The following ANKRD30A variants were observed in gnomAD, a reference collection of about 807,000 sequenced individuals.
The protein encoded by ANKRD30A is ankyrin repeat domain 30A, also known as ankyrin repeat domain-containing protein 30A.
A neutral mutation model predicts 166.3 loss-of-function variants in ANKRD30A; 170 were observed. That is an observed-to-expected ratio of 1.02 (90% CI 0.90 to 1.16). The LOEUF (loss-of-function observed/expected upper bound fraction) is 1.16, where lower values mean the gene tolerates loss of function less well. Ranked by LOEUF, ANKRD30A falls within the 50% of genes most tolerant of loss-of-function variation. ANKRD30A has a pLI of 0.00. For synonymous variants in ANKRD30A, 564 were observed against 508.9 expected (o/e 1.11, Z -1.46); for missense variants, 1,630 against 1,518.0 (o/e 1.07, Z -1.23).
intron 34 of ANKRD30A, among the ~76,000 whole-genome samples, chr10:37,223,011 AAAGT>A (rs1237887184): frequency 1.3e-5 from 2 of 151,474 alleles, no homozygotes; most frequent in Non-Finnish European, 3.0e-5. Context: ...TTGACATAAT[AAAGT>A]TTTATTTGAA....
intron 30 of ANKRD30A, among the ~76,000 whole-genome samples, chr10:37,200,986 G>T (rs535872015): frequency 6.6e-6 from 1 of 151,956 alleles, no homozygotes; most frequent in Non-Finnish European, 1.5e-5. Flanking sequence ...ATTTTTTCGT[G>T]TATATGATTT....
At chr10:37,264,084 T>A in the ANKRD30A span, among the ~76,000 whole-genome samples, 25 of 152,262 alleles carry the variant, frequency 1.6e-4, no homozygotes, top group African/African-American at 5.1e-4. Flanking sequence ...AGATTTTTTT[T>A]AAAAACAGTT....
intron 31 of ANKRD30A, among the ~76,000 whole-genome samples, chr10:37,205,810 T>A (rs951589931): frequency 6.6e-6 from 1 of 152,208 alleles, no homozygotes; most frequent in African/African-American, 2.4e-5. Context: ...CACATTCTGA[T>A]TCAGCAGACT....
At chr10:37,214,824 G>A (rs1029264399) in intron 31 of ANKRD30A, among the ~76,000 whole-genome samples, 3 of 150,954 alleles carry the variant, frequency 2.0e-5, no homozygotes, top group Non-Finnish European at 3.0e-5. Context: ...TGGATCTGTG[G>A]GATTGTAGCT....
chr10:37,227,729 C>G (rs1382627322), intron 34 of ANKRD30A, among the ~76,000 whole-genome samples: 3 of 151,928 alleles, frequency 2.0e-5, no homozygotes, highest in African/African-American at 7.2e-5. Context: ...AACCTTTAGT[C>G]TCTCATTGAC....
the ANKRD30A span, among the ~76,000 whole-genome samples, chr10:37,251,694 A>G: frequency 1.3e-5 from 2 of 152,216 alleles, no homozygotes; most frequent in African/African-American, 2.4e-5. Context: ...GCAAAGCAAC[A>G]TGATTATTTG....
At chr10:37,265,881 C>G in the ANKRD30A span, among the ~76,000 whole-genome samples, 2 of 152,208 alleles carry the variant, frequency 1.3e-5, no homozygotes, top group African/African-American at 4.8e-5. Context: ...ACAAACCCCC[C>G]TGGGTTAACC....
At chr10:37,166,963 A>C (rs562939536) in intron 19 of ANKRD30A, among the ~76,000 whole-genome samples, 1 of 152,124 alleles carries the variant, frequency 6.6e-6, no homozygotes, top group Non-Finnish European at 1.5e-5. Context: ...AGAAAGTAGT[A>C]ATAGAGTAAA....
At chr10:37,172,529 T>G (rs1165416479) in intron 21 of ANKRD30A, among the ~76,000 whole-genome samples, 10 of 85,440 alleles carry the variant, frequency 1.2e-4, no homozygotes, top group East Asian at 8.4e-4. Flanking sequence ...GAGTTAGAGG[T>G]TTTTTTTTAA....
chr10:37,255,019 CA>C, the ANKRD30A span, among the ~76,000 whole-genome samples: 43 of 152,198 alleles, frequency 2.8e-4, no homozygotes, highest in South Asian at 1.9e-3. Flanking sequence ...CTTTGAAGGA[CA>C]AATGTTCTAA....
the ANKRD30A span, among the ~76,000 whole-genome samples, chr10:37,243,298 CTT>C: frequency 0.075 from 10,301 of 137,574 alleles, 493 homozygotes; most frequent in Middle Eastern, 0.13. Flanking sequence ...CCACGCCCAC[CTT>C]TTTTTTTTTT....
At chr10:37,248,258 C>A in the ANKRD30A span, 1 of 580,732 alleles carries the variant, frequency 1.7e-6, no homozygotes, top group Non-Finnish European at 3.4e-6. Flanking sequence ...AGGTTGATCT[C>A]AGAATTGTCA....
At chr10:37,137,310 T>C (rs1414684442) in intron 6 of ANKRD30A, among the ~76,000 whole-genome samples, 2 of 151,868 alleles carry the variant, frequency 1.3e-5, no homozygotes, top group Admixed American at 6.6e-5. Context: ...CAGAAAGGGA[T>C]GGGTGATTTC....
rs564834347 is a variant in ANKRD30A, at chr10:37,158,522, C to G, written c.1836C>G (p.Cys612Trp). ...TTTCCAAACCCATTTAGGCTACCTG[C>G]GGAATGAAAGTTTCTATTCCAACTA... Reference protein sequence around the residue: ...PNKDGLLKATCGMKVSIPTKA... With the variant: ...PNKDGLLKATWGMKVSIPTKA... Residue 612 changes from cysteine (C) to tryptophan (W), a missense_variant, in exon 15 of 36, where the codon TGC becomes TGG. This residue lies in a region of ANKRD30A where 904 missense variants were observed against 818.5 expected (regional missense o/e 1.10). Transcript: ENST00000361713. 2.5e-6 allele frequency: 4 copies of G among 1,613,362 alleles called. No individual in the cohort carries two copies. Among genetic ancestry groups the G allele is most frequent in the African/African-American group, 2.7e-5 (2 of 74,978 alleles).
intron 34 of ANKRD30A, among the ~76,000 whole-genome samples, chr10:37,222,396 A>G (rs1485316094): frequency 6.6e-6 from 1 of 151,268 alleles, no homozygotes; most frequent in African/African-American, 2.4e-5. Flanking sequence ...CTTACTTAGC[A>G]TAGTGTTTTT....
Position 37,152,051 on chromosome 10 carries a change from C to G in ANKRD30A, c.1646-9C>G. ...TGTCATGAATGTTTCTGTGATTAAC[C>G]TTTTATAGATCCGATGTTCCCACCA... On this transcript the variant is annotated splice_polypyrimidine_tract_variant and intron_variant, in intron 11 of 35. Coordinates refer to ENST00000361713, the MANE Select transcript of ANKRD30A (RefSeq NM_052997.3). The G allele has an allele frequency of 6.2e-7, 1 of 1,603,310 alleles. No individual in the cohort carries two copies. Among genetic ancestry groups the G allele is most frequent in the Non-Finnish European group, 8.5e-7 (1 of 1,173,610 alleles).
chr10:37,164,131 A>G (rs1839119744), intron 17 of ANKRD30A, among the ~76,000 whole-genome samples: 1 of 147,380 alleles, frequency 6.8e-6, no homozygotes, highest in East Asian at 1.9e-4. Flanking sequence ...TTTTGAAACC[A>G]GGTATACAGT....
chr10:37,219,806 T>C lies in ANKRD30A; in HGVS notation c.4094T>C (p.Leu1365Pro). ...CTTGAGAGGAAAATGCAACATCATCTCCTAAAAGAGAAAAATGAGGAGATA... is the reference window on the plus strand; with the variant it reads ...CTTGAGAGGAAAATGCAACATCATCCCCTAAAAGAGAAAAATGAGGAGATA... ...HFLERKMQHH[L>P]LKEKNEEIFN... Residue 1365 changes from leucine (L) to proline (P), a missense_variant, in exon 34 of 36, where the codon CTC (leucine) becomes CCC (proline). Coordinates refer to ENST00000361713, the MANE Select transcript of ANKRD30A (RefSeq NM_052997.3). The C allele has an allele frequency of 6.2e-7, 1 of 1,604,080 alleles. No homozygotes were observed. Among genetic ancestry groups the C allele is most frequent in the Non-Finnish European group, 8.5e-7 (1 of 1,174,450 alleles).
chr10:37,148,424 G>C (rs1301518235), intron 9 of ANKRD30A, among the ~76,000 whole-genome samples: 1 of 152,066 alleles, frequency 6.6e-6, no homozygotes, highest in Non-Finnish European at 1.5e-5. Context: ...ATTTGAAACA[G>C]TGTTGGATGG....
Sources: allele counts gnomAD v4.1 joint callset (sites outside exome capture counted in the v4.1 genomes callset), GRCh38; gene constraint gnomAD v4.1.1; regional missense constraint gnomAD v4.1.1; transcripts MANE v1.5; gene names NCBI Gene and HGNC (gene_info 2026-07-23, HGNC 2026-07-21).